Variants in ITPR2 observed in about 807,000 individuals in gnomAD.
The protein encoded by ITPR2 is inositol 1,4,5-trisphosphate-gated calcium channel ITPR2.
In ITPR2, 207 loss-of-function variants were observed where a neutral mutation model predicts 317.1. The ratio of observed to expected loss-of-function variants is 0.65; its 90% CI spans 0.58 to 0.73. The LOEUF (loss-of-function observed/expected upper bound fraction) is 0.73, where lower values mean the gene tolerates loss of function less well. Ranked by LOEUF, ITPR2 falls within the 30% of genes least tolerant of loss-of-function variation. The pLI is 0.00. For synonymous variants in ITPR2, 1,156 were observed against 1,149.1 expected (o/e 1.01, Z -0.12); for missense variants, 2,613 against 3,284.0 (o/e 0.80, Z 4.99).
rs974964142 is a variant in ITPR2, at chr12:26,339,097, G to A, written c.*300C>T. 4 of 276,470 alleles carry A rather than the reference G, an allele frequency of 1.4e-5. No individual in the cohort carries two copies. Among genetic ancestry groups the A allele is most frequent in the Admixed American group, 1.0e-4 (2 of 19,484 alleles). The allele number at this position is 276,470 out of a possible 1,614,324, so 17.1% of individuals were successfully genotyped here. ...AGCAGAAGAGAGTTCTCCCTGCCCC[G>A]TGTCTCCTTCCATCCTGCCGCTCCC... On this transcript the variant is annotated 3_prime_UTR_variant, in exon 57 of 57. Transcript: ENST00000381340.
intron 37 of ITPR2, among the ~76,000 whole-genome samples, chr12:26,530,299 C>A (rs1275973008): frequency 1.3e-5 from 2 of 152,198 alleles, no homozygotes; most frequent in Non-Finnish European, 2.9e-5. Flanking sequence ...GAATTTTCTA[C>A]ACCTGAAGTC....
intron 9 of ITPR2, among the ~76,000 whole-genome samples, chr12:26,709,537 T>C (rs11048666): frequency 0.16 from 24,672 of 152,184 alleles, 2,452 homozygotes; most frequent in African/African-American, 0.27. Context: ...AATGAACAAT[T>C]TAATTCTTAA....
intron 26 of ITPR2, among the ~76,000 whole-genome samples, chr12:26,605,903 A>C (rs1416756183): frequency 6.6e-6 from 1 of 152,266 alleles, no homozygotes. Flanking sequence ...AGCAGTCATC[A>C]GGGTAATTTG....
intron 37 of ITPR2, among the ~76,000 whole-genome samples, chr12:26,543,798 A>G (rs183188444): frequency 5.9e-5 from 9 of 152,130 alleles, no homozygotes; most frequent in African/African-American, 2.2e-4. Flanking sequence ...ACTGCCCTCC[A>G]GCCATTTTGA....
At chr12:26,802,568 G>GATATAGATATAGATATATCTAT (rs760545552) in intron 1 of ITPR2, among the ~76,000 whole-genome samples, 8 of 134,428 alleles carry the variant, frequency 6.0e-5, no homozygotes, top group East Asian at 2.7e-4. Flanking sequence ...TCTATATATA[G>GATATAGATATAGATATATCTAT]ATATAGATAT....
At chr12:26,450,869 T>C (rs986769535) in intron 45 of ITPR2, among the ~76,000 whole-genome samples, 2 of 151,730 alleles carry the variant, frequency 1.3e-5, no homozygotes, top group Non-Finnish European at 2.9e-5. Flanking sequence ...GGAGGGAAAA[T>C]GGGAAAGAGT....
At chr12:26,515,963 G>T (rs1171491225) in intron 37 of ITPR2, among the ~76,000 whole-genome samples, 1 of 149,846 alleles carries the variant, frequency 6.7e-6, no homozygotes, top group Non-Finnish European at 1.5e-5. Flanking sequence ...AAAAGAAAAA[G>T]AAAAAAGCTG....
intron 43 of ITPR2, among the ~76,000 whole-genome samples, chr12:26,478,083 A>G (rs1237201618): frequency 6.6e-6 from 1 of 152,130 alleles, no homozygotes; most frequent in Non-Finnish European, 1.5e-5. Context: ...ACAAATAATG[A>G]CCATGCAAAT....
intron 1 of ITPR2, among the ~76,000 whole-genome samples, chr12:26,797,983 C>T (rs974772865): frequency 5.3e-5 from 8 of 152,024 alleles, no homozygotes; most frequent in Admixed American, 2.0e-4. Context: ...TGAGCCACTG[C>T]GCCCAGCAGA....
chr12:26,772,296 C>T (rs1949858069), intron 2 of ITPR2, among the ~76,000 whole-genome samples: 2 of 150,972 alleles, frequency 1.3e-5, no homozygotes, highest in South Asian at 4.2e-4. Flanking sequence ...AAGCTTTCCT[C>T]ATCACTCGAA....
intron 52 of ITPR2, among the ~76,000 whole-genome samples, chr12:26,408,578 C>T (rs1940435708): frequency 6.6e-6 from 1 of 152,126 alleles, no homozygotes; most frequent in Admixed American, 6.5e-5. Context: ...GTGGCCCTGG[C>T]AGTTCTCTCT....
rs951083794 is a variant in ITPR2 at position 26,569,324 on chromosome 12, C to T, written c.4631-7372G>A. 7.2e-5 allele frequency among the ~76,000 whole-genome samples: 11 copies of T among 151,920 alleles called. No homozygotes were observed. The East Asian group carries it at 1.5e-3, about 21-fold the overall frequency. On this transcript the variant is annotated intron_variant, in intron 34 of 56. Coordinates refer to ENST00000381340, the MANE Select transcript of ITPR2 (RefSeq NM_002223.4). ...ATCCCAACAATTAGGGAGGTCAAGG[C>T]GGGTGGATTGATTGAGCCCAGAAAT...
intron 26 of ITPR2, among the ~76,000 whole-genome samples, chr12:26,616,427 G>A (rs549432910): frequency 4.6e-5 from 7 of 152,116 alleles, no homozygotes; most frequent in South Asian, 2.1e-4. Context: ...ATGAGCCACC[G>A]TGCCCGGCCG....
In ITPR2 at chr12:26,832,967, A is replaced by T; in HGVS notation, c.-186T>A. 1.8e-6 allele frequency: 1 copy of T among 545,462 alleles called. No homozygotes were observed. Among genetic ancestry groups the T allele is most frequent in the Non-Finnish European group, 3.2e-6 (1 of 317,264 alleles). The allele number at this position is 545,462 out of a possible 1,614,324, so 33.8% of individuals were successfully genotyped here. A position where few individuals can be genotyped will look rare whatever the true frequency, so the allele number is the denominator to read the frequency against. On this transcript the variant is annotated 5_prime_UTR_variant, in exon 1 of 57. Coordinates refer to ENST00000381340, the MANE Select transcript of ITPR2 (RefSeq NM_002223.4). ...GCCGTGCGTGCGCGCCGGGGAAGCC[A>T]GACCGGGGCCAAGCCGCAGCTGCGG...
chr12:26,657,219 AC>A (rs536560155), intron 18 of ITPR2, among the ~76,000 whole-genome samples: 5 of 152,304 alleles, frequency 3.3e-5, no homozygotes, highest in African/African-American at 1.2e-4. Flanking sequence ...TGCCTTCAGT[AC>A]TTCCGCTGCC....
At chr12:26,678,504 C>T (rs1947963337) in intron 13 of ITPR2, among the ~76,000 whole-genome samples, 1 of 151,934 alleles carries the variant, frequency 6.6e-6, no homozygotes, top group Admixed American at 6.6e-5. Context: ...GGAAAAAAGT[C>T]AGAGTTGTCA....
intron 22 of ITPR2, among the ~76,000 whole-genome samples, chr12:26,630,021 G>A (rs1470464925): frequency 6.6e-6 from 1 of 152,152 alleles, no homozygotes; most frequent in Non-Finnish European, 1.5e-5. Flanking sequence ...CTGATTCTTG[G>A]TAGCAAAGGG....
intron 55 of ITPR2, among the ~76,000 whole-genome samples, chr12:26,356,801 C>G (rs940622467): frequency 2.0e-5 from 3 of 152,196 alleles, no homozygotes; most frequent in African/African-American, 4.8e-5. Flanking sequence ...CTTGCTTTGG[C>G]TTCCCAAAGT....
At chr12:26,741,050 A>G (rs757558100) in intron 2 of ITPR2, among the ~76,000 whole-genome samples, 5 of 152,260 alleles carry the variant, frequency 3.3e-5, no homozygotes, top group Admixed American at 2.6e-4. Context: ...TACTTCATTT[A>G]GTCCACACCT....
Sources: allele counts gnomAD v4.1 joint callset (sites outside exome capture counted in the v4.1 genomes callset), GRCh38; gene constraint gnomAD v4.1.1; transcripts MANE v1.5; gene names NCBI Gene and HGNC (gene_info 2026-07-23, HGNC 2026-07-21).